GABBR2: variants seen among roughly 807,000 people sequenced by gnomAD.
The protein encoded by GABBR2 is gamma-aminobutyric acid type B receptor subunit 2.
A neutral mutation model predicts 105.6 loss-of-function variants in GABBR2; 23 were observed. That is an observed-to-expected ratio of 0.22 (90% confidence interval 0.16 to 0.31). The LOEUF (loss-of-function observed/expected upper bound fraction) is 0.31, where lower values mean the gene tolerates loss of function less well. Ranked by LOEUF, GABBR2 falls within the 10% of genes least tolerant of loss-of-function variation. The pLI, the probability that GABBR2 is intolerant of heterozygous loss-of-function variation, is 1.00. For missense variants in GABBR2, 734 were observed against 1,245.5 expected (o/e 0.59, Z 6.18); for synonymous variants, 478 against 499.7 (o/e 0.96, Z 0.58).
chr9:98,457,770 G>A (rs879007558), intron 6 of GABBR2, among the ~76,000 whole-genome samples: 4 of 152,156 alleles, frequency 2.6e-5, no homozygotes, highest in Admixed American at 2.0e-4. Context: ...GTTCCCAGGC[G>A]ATGCCAGCAC....
At chr9:98,686,142 TC>T (rs1022312453) in intron 1 of GABBR2, among the ~76,000 whole-genome samples, 4 of 152,050 alleles carry the variant, frequency 2.6e-5, no homozygotes, top group Admixed American at 2.0e-4. Flanking sequence ...CAAATCCTCA[TC>T]CCCCGCCAGC....
chr9:98,621,250 A>C (rs983810265), intron 1 of GABBR2, among the ~76,000 whole-genome samples: 3 of 152,204 alleles, frequency 2.0e-5, no homozygotes, highest in African/African-American at 7.2e-5. Flanking sequence ...CCGAGGTTAC[A>C]GCTGGTTACA....
chr9:98,476,381 C>T (rs1430500014), intron 5 of GABBR2, among the ~76,000 whole-genome samples: 1 of 152,186 alleles, frequency 6.6e-6, no homozygotes, highest in Non-Finnish European at 1.5e-5. Flanking sequence ...TCTAACCTAG[C>T]TTCTGACTTT....
intron 3 of GABBR2, among the ~76,000 whole-genome samples, chr9:98,533,119 G>A (rs1320518151): frequency 6.6e-6 from 1 of 152,176 alleles, no homozygotes; most frequent in Non-Finnish European, 1.5e-5. Context: ...TGCTGACTCT[G>A]CCAGAACTGC....
intron 8 of GABBR2, among the ~76,000 whole-genome samples, chr9:98,395,660 C>T (rs1276768090): frequency 4.6e-5 from 7 of 152,126 alleles, no homozygotes; most frequent in African/African-American, 1.7e-4. Flanking sequence ...CACCATGGAG[C>T]TGGCTGCAGT....
At chr9:98,707,949 C>A (rs1045942053) in intron 1 of GABBR2, among the ~76,000 whole-genome samples, 3 of 151,588 alleles carry the variant, frequency 2.0e-5, no homozygotes, top group African/African-American at 7.3e-5. Context: ...CCTCAAAGCG[C>A]GGCTCGGCTT....
chr9:98,598,321 T>C (rs2131802027), intron 1 of GABBR2, among the ~76,000 whole-genome samples: 1 of 152,270 alleles, frequency 6.6e-6, no homozygotes, highest in South Asian at 2.1e-4. Context: ...CATCACCTAC[T>C]CTACAGGTAG....
At chr9:98,553,050 A>AT (rs1828519921) in intron 2 of GABBR2, among the ~76,000 whole-genome samples, 1 of 151,026 alleles carries the variant, frequency 6.6e-6, no homozygotes, top group African/African-American at 2.4e-5. Flanking sequence ...TATTTTTTTT[A>AT]TTTTTTATAT....
intron 17 of GABBR2, 65 bp downstream of exon 17, chr9:98,299,159 G>T: frequency 7.3e-7 from 1 of 1,370,510 alleles, no homozygotes; most frequent in Admixed American, 1.7e-5. Flanking sequence ...CTAAAAAATG[G>T]AAGATGAACA....
At chr9:98,487,994 C>G (rs1173806980) in intron 4 of GABBR2, among the ~76,000 whole-genome samples, 1 of 152,100 alleles carries the variant, frequency 6.6e-6, no homozygotes, top group Non-Finnish European at 1.5e-5. Flanking sequence ...TTAAACATGG[C>G]CGAGGCAGAG....
At chr9:98,598,282 C>T (rs563892482) in intron 1 of GABBR2, among the ~76,000 whole-genome samples, 3 of 152,100 alleles carry the variant, frequency 2.0e-5, no homozygotes, top group South Asian at 4.1e-4. Context: ...AGGACAGGAG[C>T]GTCTTCATTT....
chr9:98,414,546 G>T (rs1194321433), intron 7 of GABBR2, among the ~76,000 whole-genome samples: 6 of 152,192 alleles, frequency 3.9e-5, no homozygotes, highest in Non-Finnish European at 7.3e-5. Context: ...TAATGAGGGG[G>T]TGACTTGATC....
At chr9:98,674,089 A>G (rs1295809387) in intron 1 of GABBR2, among the ~76,000 whole-genome samples, 1 of 152,096 alleles carries the variant, frequency 6.6e-6, no homozygotes, top group Non-Finnish European at 1.5e-5. Context: ...TGTCTCCATC[A>G]TCATCTAGAG....
rs535080360 is a variant in GABBR2, at chr9:98,697,085, A to T, written c.321+11332T>A. On this transcript the variant is annotated intron_variant, in intron 1 of 18. Coordinates refer to ENST00000259455, the MANE Select transcript of GABBR2 (RefSeq NM_005458.8). The stretch of plus-strand genomic sequence containing the variant: ...GTGGTTTACTCAGAGCGTAAGCTGC[A>T]GAGATCAAAGTCAGACCATCCAGAC... 5.3e-5 allele frequency among the ~76,000 whole-genome samples: 8 copies of T among 152,340 alleles called. 1 individual carries two copies. The South Asian group carries it at 1.7e-3, about 32-fold the overall frequency.
intron 1 of GABBR2, among the ~76,000 whole-genome samples, chr9:98,608,359 TTTTC>T (rs1353838698): frequency 8.5e-5 from 13 of 152,192 alleles, no homozygotes; most frequent in African/African-American, 3.1e-4. Flanking sequence ...TTTTCCTACT[TTTTC>T]TTTTTCTTTT....
chr9:98,345,812 C>T (rs1831294088), intron 13 of GABBR2, among the ~76,000 whole-genome samples: 1 of 152,190 alleles, frequency 6.6e-6, no homozygotes, highest in Non-Finnish European at 1.5e-5. Flanking sequence ...AGGCACACCT[C>T]AAAGATACTG....
intron 13 of GABBR2, among the ~76,000 whole-genome samples, chr9:98,321,599 C>T (rs956625159): frequency 4.6e-5 from 7 of 152,186 alleles, no homozygotes; most frequent in South Asian, 2.1e-4. Context: ...CCAAGGTGGG[C>T]GGTGGGGACC....
intron 11 of GABBR2, among the ~76,000 whole-genome samples, chr9:98,385,059 G>A (rs1362543645): frequency 3.9e-5 from 6 of 152,170 alleles, no homozygotes; most frequent in Admixed American, 2.0e-4. Flanking sequence ...AGGTAGATGG[G>A]AGGATCTGTT....
At chr9:98,540,628 G>A (rs1298054255) in intron 3 of GABBR2, among the ~76,000 whole-genome samples, 1 of 152,198 alleles carries the variant, frequency 6.6e-6, no homozygotes, top group Non-Finnish European at 1.5e-5. Context: ...AAGAGGCTGT[G>A]TGTCTGCCCC....
Sources: gnomAD v4.1 joint callset for allele counts (sites outside exome capture counted in the v4.1 genomes callset) on GRCh38, gnomAD v4.1.1 for gene constraint, MANE v1.5 for transcripts, NCBI Gene and HGNC (gene_info 2026-07-23, HGNC 2026-07-21) for gene names.